Variants in RFX6 observed in about 807,000 individuals in gnomAD.
RFX6 encodes the protein DNA-binding protein RFX6.
A neutral mutation model predicts 110.8 loss-of-function variants in RFX6; 50 were observed. The ratio of observed to expected loss-of-function variants is 0.45; its 90% CI spans 0.36 to 0.57. The LOEUF (loss-of-function observed/expected upper bound fraction) is 0.57, where lower values mean the gene tolerates loss of function less well. Ranked by LOEUF, RFX6 falls within the 20% of genes least tolerant of loss-of-function variation. RFX6 has a pLI of 0.00. For missense variants in RFX6, 990 were observed against 1,127.0 expected (o/e 0.88, Z 1.74); for synonymous variants, 383 against 411.2 (o/e 0.93, Z 0.83).
intron 3 of RFX6, 121 bp downstream of exon 3, chr6:116,880,788 A>T (rs1774573763): frequency 9.0e-7 from 1 of 1,108,886 alleles, no homozygotes; most frequent in Non-Finnish European, 1.3e-6. Flanking sequence ...TTTTGCAGGC[A>T]TAAATTGTCT....
intron 4 of RFX6, among the ~76,000 whole-genome samples, chr6:116,891,452 T>G (rs1209560342): frequency 2.6e-5 from 4 of 152,348 alleles, no homozygotes; most frequent in African/African-American, 9.6e-5. Flanking sequence ...TAACATGTAT[T>G]TCTTTAGCAA....
intron 18 of RFX6, 115 bp from the exon 19 acceptor site, chr6:116,931,216 A>C: frequency 1.2e-6 from 1 of 802,252 alleles, no homozygotes; most frequent in African/African-American, 1.7e-5. Flanking sequence ...TCAAATTTAG[A>C]ATAGGTATGT....
At chr6:116,914,079 C>G (rs1221149323) in intron 7 of RFX6, among the ~76,000 whole-genome samples, 3 of 152,068 alleles carry the variant, frequency 2.0e-5, no homozygotes, top group Non-Finnish European at 4.4e-5. Context: ...TCATTATTTT[C>G]CTCTCCCCCT....
At chr6:116,921,800 G>A (rs928324773) in intron 12 of RFX6, among the ~76,000 whole-genome samples, 1 of 151,906 alleles carries the variant, frequency 6.6e-6, no homozygotes, top group Admixed American at 6.6e-5. Context: ...TCCAGCCTGG[G>A]CAACAAAGCA....
At chr6:116,906,475 T>C (rs1352659490) in intron 6 of RFX6, among the ~76,000 whole-genome samples, 1 of 152,198 alleles carries the variant, frequency 6.6e-6, no homozygotes, top group Non-Finnish European at 1.5e-5. Flanking sequence ...TAAATATTAA[T>C]TCTTCTAATC....
chr6:116,908,285 CATA>C (rs1775251756), intron 6 of RFX6, among the ~76,000 whole-genome samples: 1 of 151,992 alleles, frequency 6.6e-6, no homozygotes, highest in African/African-American at 2.4e-5. Flanking sequence ...TTTCACTTGC[CATA>C]ATATTTTCCA....
Position 116,928,911 on chromosome 6 carries a change from C to G in RFX6, c.2551C>G (p.Gln851Glu), listed in dbSNP as rs1775817725. ...LNILDDSGRKQTSSFYTDTSS... is the reference protein window; with the variant it reads ...LNILDDSGRKETSSFYTDTSS... The stretch of plus-strand genomic sequence containing the variant: ...CATTTTAGATGACAGTGGTAGAAAA[C>G]AGACCAGCTCGTTTTACACAGACAC... Residue 851 changes from glutamine (Q) to glutamate (E), a missense_variant, in exon 18 of 19, where the codon CAG (glutamine) becomes GAG (glutamate). This residue lies in a region of RFX6 where 438 missense variants were observed against 441.9 expected (regional missense o/e 0.99). Coordinates refer to ENST00000332958, the MANE Select transcript of RFX6 (RefSeq NM_173560.4). 6.2e-7 allele frequency: 1 copy of G among 1,613,922 alleles called. No individual in the cohort carries two copies. Among genetic ancestry groups the G allele is most frequent in the Non-Finnish European group, 8.5e-7 (1 of 1,179,794 alleles).
At position 116,932,143 on chromosome 6, in the gene RFX6, A is replaced by G. The variant is rs988979203; in HGVS notation, c.*637A>G. 1.3e-5 allele frequency: 2 copies of G among 152,718 alleles called. No homozygotes were observed. The highest frequency in any genetic ancestry group is 1.3e-4 in the Admixed American group (2 of 15,284). 9.5% of individuals were successfully genotyped at this position (152,718 alleles called of 1,614,324 possible). ...ATTTAAAAAAGATTAAAAGGAATAA[A>G]AGAAATAATGTATGGAAATATTTTT... On this transcript the variant is annotated 3_prime_UTR_variant, in exon 19 of 19. Coordinates refer to ENST00000332958, the MANE Select transcript of RFX6 (RefSeq NM_173560.4).
intron 4 of RFX6, among the ~76,000 whole-genome samples, chr6:116,891,544 C>T (rs933041637): frequency 9.9e-5 from 15 of 152,176 alleles, no homozygotes; most frequent in African/African-American, 3.4e-4. Flanking sequence ...ATTACAACAT[C>T]TTTCCATTCT....
chr6:116,877,897 A>C lies in RFX6; in HGVS notation c.325A>C (p.Thr109Pro). ...GGATCAATACCTGTCTCAGAAGAAA[A>C]CCATCACGCAGATTGTGAAGGATAA... ...AADQYLSQKK[T>P]ITQIVKDKKK... Residue 109 changes from threonine (T) to proline (P), a missense_variant, in exon 2 of 19, where the codon ACC (threonine) becomes CCC (proline). Transcript: ENST00000332958. The C allele has an allele frequency of 6.2e-7, 1 of 1,614,092 alleles. No individual in the cohort carries two copies. The highest frequency in any genetic ancestry group is 1.1e-5 in the South Asian group (1 of 91,072).
chr6:116,887,247 G>GA (rs375094648), intron 4 of RFX6, among the ~76,000 whole-genome samples: 38 of 149,876 alleles, frequency 2.5e-4, no homozygotes, highest in East Asian at 5.8e-4. Context: ...GATGGTTATG[G>GA]AAAAAAAAAA....
rs1176756248 is a variant in RFX6, at chr6:116,923,168, G to GT, written c.1506dup (p.Gly503TrpfsTer7). Reference sequence around the variant, plus strand: ...GCTCAAGACTTTCTGTTAAAGTGGAGTTTTTTTGGTGCTCGAGTAATGCAT... The same window carrying GT: ...GCTCAAGACTTTCTGTTAAAGTGGAGTTTTTTTTGGTGCTCGAGTAATGCAT... On this transcript the variant is annotated frameshift_variant, in exon 14 of 19. Coordinates refer to ENST00000332958, the MANE Select transcript of RFX6 (RefSeq NM_173560.4). LOFTEE classifies it high-confidence loss of function. 2.5e-6 allele frequency: 4 copies of GT among 1,609,420 alleles called. No homozygotes were observed. The highest frequency in any genetic ancestry group is 1.3e-5 in the African/African-American group (1 of 74,786).
At chr6:116,906,215 A>G (rs1488087901) in intron 6 of RFX6, among the ~76,000 whole-genome samples, 2 of 152,126 alleles carry the variant, frequency 1.3e-5, no homozygotes, top group Non-Finnish European at 1.5e-5. Context: ...TCTCTGTTCT[A>G]TTCCATTGGT....
At chr6:116,914,677 T>G (rs1012784485) in intron 7 of RFX6, among the ~76,000 whole-genome samples, 2 of 152,154 alleles carry the variant, frequency 1.3e-5, no homozygotes, top group Non-Finnish European at 2.9e-5. Context: ...AGCTCTAAGC[T>G]AAACCACAAA....
In RFX6 at chr6:116,908,689, GAC is replaced by G. The variant is rs35170155; in HGVS notation, c.673-2220_673-2219del. 5.6e-3 allele frequency among the ~76,000 whole-genome samples: 663 copies of G among 118,966 alleles called. 4 individuals carry two copies. The highest frequency in any genetic ancestry group is 0.019 in the East Asian group (88 of 4,516). The allele number at this position is 118,966 out of a possible 152,430, so 78.0% of individuals were successfully genotyped here. On this transcript the variant is annotated intron_variant, in intron 6 of 18. Transcript: ENST00000332958. ...TAGCATACACACACACACACACACA[GAC>G]ACACACACACACACACACACACACA...
At chr6:116,889,317 T>C (rs1466002612) in intron 4 of RFX6, among the ~76,000 whole-genome samples, 2 of 152,180 alleles carry the variant, frequency 1.3e-5, no homozygotes, top group Non-Finnish European at 2.9e-5. Flanking sequence ...AACCAGTAAA[T>C]GTATGAGGAT....
chr6:116,924,842 A>G, intron 15 of RFX6, 51 bp downstream of exon 15: 1 of 1,347,740 alleles, frequency 7.4e-7, no homozygotes, highest in Admixed American at 1.7e-5. Flanking sequence ...TTTAATCTTA[A>G]GTTCAAGAAT....
chr6:116,888,535 C>T (rs769126955), intron 4 of RFX6, among the ~76,000 whole-genome samples: 31 of 151,978 alleles, frequency 2.0e-4, no homozygotes, highest in Non-Finnish European at 4.1e-4. Context: ...GCTAATCATC[C>T]CCAGGATTTT....
chr6:116,916,380 C>T, intron 9 of RFX6, 66 bp downstream of exon 9: 1 of 957,514 alleles, frequency 1.0e-6, no homozygotes, highest in East Asian at 2.4e-5. Context: ...TATCTAAATT[C>T]TTGCAATATA....
Sources: gnomAD v4.1 joint callset for allele counts (sites outside exome capture counted in the v4.1 genomes callset) on GRCh38, gnomAD v4.1.1 for gene constraint, gnomAD v4.1.1 regional missense constraint, MANE v1.5 for transcripts, NCBI Gene and HGNC (gene_info 2026-07-23, HGNC 2026-07-21) for gene names.